The following CELF2 variants were observed in gnomAD, a reference collection of about 807,000 sequenced individuals.
CELF2 encodes the protein CUG triplet repeat RNA-binding protein 2.
In CELF2, 8 loss-of-function variants were observed where a neutral mutation model predicts 62.6. The observed-to-expected ratio is 0.13, with a 90% CI of 0.07 to 0.23. The LOEUF is 0.23. Ranked by LOEUF, CELF2 falls within the 10% of genes least tolerant of loss-of-function variation. The pLI, the probability that CELF2 is intolerant of heterozygous loss-of-function variation, is 1.00. For missense variants in CELF2, 333 were observed against 671.0 expected, an observed-to-expected ratio of 0.50 and a Z score of 5.56; for synonymous variants, 258 against 250.0, an observed-to-expected ratio of 1.03 and a Z score of -0.30.
chr10:10,960,007 G>T (rs1009936435), intron 2 of CELF2: 3 of 152,194 alleles, frequency 2.0e-5, no homozygotes, highest in Non-Finnish European at 2.9e-5. Flanking sequence ...CAGCTTTCAG[G>T]GTTCCTGCTA....
intron 2 of CELF2, among the ~76,000 whole-genome samples, chr10:10,960,997 C>G (rs2049437470): frequency 6.6e-6 from 1 of 152,220 alleles, no homozygotes; most frequent in African/African-American, 2.4e-5. Flanking sequence ...AGACGGCTGT[C>G]ATTGCTTTAA....
intron 1 of CELF2, among the ~76,000 whole-genome samples, chr10:11,129,735 A>G (rs965084498): frequency 2.2e-4 from 34 of 152,156 alleles, no homozygotes; most frequent in African/African-American, 7.7e-4. Context: ...CCCCGTTATC[A>G]TTTTTTATTG....
chr10:10,471,613 C>CTA, the CELF2 span, among the ~76,000 whole-genome samples: 1 of 151,354 alleles, frequency 6.6e-6, no homozygotes, highest in Non-Finnish European at 1.5e-5. Flanking sequence ...GGCTTTTGAG[C>CTA]TATATATATA....
At chr10:11,146,440 G>C (rs78416632) in intron 1 of CELF2, among the ~76,000 whole-genome samples, 1 of 152,140 alleles carries the variant, frequency 6.6e-6, no homozygotes, top group African/African-American at 2.4e-5. Context: ...GAACAATCCA[G>C]CTTTCATAAT....
At chr10:10,663,056 C>A in the CELF2 span, among the ~76,000 whole-genome samples, 1 of 152,204 alleles carries the variant, frequency 6.6e-6, no homozygotes, top group East Asian at 1.9e-4. Flanking sequence ...ATTGCAAACT[C>A]ATCATACTTT....
the CELF2 span, among the ~76,000 whole-genome samples, chr10:10,668,009 T>C: frequency 6.6e-6 from 1 of 152,184 alleles, no homozygotes; most frequent in East Asian, 1.9e-4. Context: ...TGTAGTCTTC[T>C]CTACCATTAA....
intron 2 of CELF2, among the ~76,000 whole-genome samples, chr10:10,948,072 T>G (rs1267727625): frequency 1.3e-5 from 2 of 152,180 alleles, no homozygotes; most frequent in Non-Finnish European, 2.9e-5. Flanking sequence ...CTCTGTATTT[T>G]GCCAGAAACC....
rs374202144 is a variant in CELF2, at chr10:11,327,798, G to A, written c.1439-1128G>A. Among the ~76,000 whole-genome samples the A allele has an allele frequency of 4.2e-4, 64 of 152,282 alleles. No individual in the cohort carries two copies. In the South Asian group the frequency reaches 9.5e-3, roughly 23 times the overall value. On this transcript the variant is annotated intron_variant, in intron 12 of 12. Coordinates refer to ENST00000633077, the MANE Select transcript of CELF2 (RefSeq NM_001326342.2). ...TGCCGCATGCCCATTTTTATCAGCC[G>A]AGAACTGGGCAGAAAAGTCATGTCC...
intron 1 of CELF2, among the ~76,000 whole-genome samples, chr10:11,143,384 T>C (rs2061694105): frequency 6.6e-6 from 1 of 152,236 alleles, no homozygotes; most frequent in African/African-American, 2.4e-5. Context: ...TCACTTTGTT[T>C]CAGGCCCTAG....
At chr10:11,103,956 G>A (rs759020586) in intron 1 of CELF2, among the ~76,000 whole-genome samples, 35 of 147,806 alleles carry the variant, frequency 2.4e-4, no homozygotes, top group Non-Finnish European at 3.5e-4. Context: ...CCTGAAATGG[G>A]AGAAATGCAG....
chr10:10,856,744 A>G (rs1169312955), intron 1 of CELF2, among the ~76,000 whole-genome samples: 2 of 152,190 alleles, frequency 1.3e-5, no homozygotes, highest in Non-Finnish European at 2.9e-5. Flanking sequence ...ATCATTTTTC[A>G]TAAGCATCAC....
At chr10:11,059,011 G>A (rs2066056519) in intron 1 of CELF2, among the ~76,000 whole-genome samples, 1 of 152,152 alleles carries the variant, frequency 6.6e-6, no homozygotes, top group African/African-American at 2.4e-5. Context: ...TCAAACTCCT[G>A]GGCTCAAGCA....
At chr10:10,881,169 T>G (rs761621979) in intron 1 of CELF2, among the ~76,000 whole-genome samples, 4 of 152,206 alleles carry the variant, frequency 2.6e-5, no homozygotes, top group Non-Finnish European at 5.9e-5. Flanking sequence ...CCTCTGTCCT[T>G]GGACTTGCCT....
At chr10:10,752,988 C>T in the CELF2 span, among the ~76,000 whole-genome samples, 144 of 152,218 alleles carry the variant, frequency 9.5e-4, no homozygotes, top group African/African-American at 3.2e-3. Flanking sequence ...TACTTAAAGA[C>T]AGTGTTTTCC....
the CELF2 span, among the ~76,000 whole-genome samples, chr10:10,499,596 C>G: frequency 4.8e-3 from 729 of 152,216 alleles, 6 homozygotes; most frequent in African/African-American, 0.016. Context: ...ATAAGAACTC[C>G]TGGCTGGGCA....
At chr10:10,516,948 C>T in the CELF2 span, among the ~76,000 whole-genome samples, 1 of 152,132 alleles carries the variant, frequency 6.6e-6, no homozygotes. Context: ...TTTCTCCTTC[C>T]GCAGCACAGC....
At chr10:10,943,142 G>A (rs1335542078) in intron 2 of CELF2, among the ~76,000 whole-genome samples, 6 of 152,106 alleles carry the variant, frequency 3.9e-5, no homozygotes, top group Non-Finnish European at 8.8e-5. Flanking sequence ...TAACTTTATT[G>A]TTGGGGAGGG....
intron 1 of CELF2, among the ~76,000 whole-genome samples, chr10:11,048,284 C>T (rs926792904): frequency 6.6e-6 from 1 of 152,186 alleles, no homozygotes; most frequent in Admixed American, 6.5e-5. Flanking sequence ...AAAAGTTGAC[C>T]TTTTTTTCCC....
the CELF2 span, among the ~76,000 whole-genome samples, chr10:10,512,695 G>A: frequency 1.9e-4 from 29 of 152,240 alleles, no homozygotes; most frequent in East Asian, 5.8e-4. Context: ...GATTATAGGC[G>A]TAAGCCACCG....
Sources: allele counts gnomAD v4.1 joint callset (sites outside exome capture counted in the v4.1 genomes callset), GRCh38; gene constraint gnomAD v4.1.1; transcripts MANE v1.5; gene names NCBI Gene and HGNC (gene_info 2026-07-23, HGNC 2026-07-21).